The following DPYS variants were observed in gnomAD, a reference collection of about 807,000 sequenced individuals.
DPYS encodes the protein dihydropyrimidine amidohydrolase.
Under a neutral mutation model 50.3 loss-of-function variants are expected in DPYS, and 39 were observed. The observed-to-expected ratio is 0.78, with a 90% confidence interval of 0.60 to 1.01. The LOEUF is 1.01. DPYS is among the 50% of genes least tolerant of loss of function. The probability of loss-of-function intolerance (pLI) is 0.00; values close to 1 mark genes in which losing one functional copy is unlikely to be tolerated. For missense variants in DPYS, 659 were observed against 680.9 expected (o/e 0.97, Z 0.36); for synonymous variants, 245 against 250.7 (o/e 0.98, Z 0.22).
intron 2 of DPYS, among the ~76,000 whole-genome samples, chr8:104,450,542 G>A (rs1813702850): frequency 6.6e-6 from 1 of 152,184 alleles, no homozygotes; most frequent in Admixed American, 6.5e-5. Context: ...CATTTATGTG[G>A]GAGGAAATCA....
intron 1 of DPYS, among the ~76,000 whole-genome samples, chr8:104,460,294 G>A (rs1444692741): frequency 3.3e-5 from 5 of 152,040 alleles, no homozygotes; most frequent in Non-Finnish European, 7.4e-5. Context: ...TGAATCATGG[G>A]GGCATATTTC....
intron 1 of DPYS, among the ~76,000 whole-genome samples, chr8:104,459,164 T>C (rs1814033692): frequency 6.7e-6 from 1 of 150,230 alleles, no homozygotes; most frequent in Admixed American, 6.6e-5. Flanking sequence ...GTGTAGATGG[T>C]GGCCAGTTGC....
At chr8:104,385,923 A>T (rs960513071) in intron 8 of DPYS, among the ~76,000 whole-genome samples, 9 of 152,192 alleles carry the variant, frequency 5.9e-5, no homozygotes, top group African/African-American at 2.2e-4. Flanking sequence ...ATGTCTGTTC[A>T]TTATAAATTA....
intron 7 of DPYS, among the ~76,000 whole-genome samples, chr8:104,417,651 A>G (rs1320071200): frequency 6.6e-6 from 1 of 152,202 alleles, no homozygotes; most frequent in Non-Finnish European, 1.5e-5. Context: ...CACCAGTTCA[A>G]TGAGCTGTCA....
At chr8:104,379,963 T>G in intron 9 of DPYS, 120 bp from the exon 10 acceptor site, 1 of 372,734 alleles carries the variant, frequency 2.7e-6, no homozygotes, top group Non-Finnish European at 5.4e-6. Flanking sequence ...CTCCTATAAA[T>G]GTCATTAATA....
intron 7 of DPYS, among the ~76,000 whole-genome samples, chr8:104,404,393 C>T (rs1305796896): frequency 6.6e-6 from 1 of 152,146 alleles, no homozygotes; most frequent in Admixed American, 6.5e-5. Context: ...GGAAGTTTTA[C>T]CTAATGCTCA....
At chr8:104,399,378 G>A (rs1372509965) in intron 7 of DPYS, among the ~76,000 whole-genome samples, 1 of 149,696 alleles carries the variant, frequency 6.7e-6, no homozygotes, top group Admixed American at 6.7e-5. Flanking sequence ...GGACTAATAC[G>A]CTATTGTCAT....
intron 4 of DPYS, among the ~76,000 whole-genome samples, 171 bp downstream of exon 4, chr8:104,444,077 G>A (rs1813445408): frequency 6.6e-6 from 1 of 152,122 alleles, no homozygotes; most frequent in Non-Finnish European, 1.5e-5. Context: ...AAAAGTGGTG[G>A]AAAACAGACA....
At chr8:104,451,635 C>T (rs774446803) in intron 1 of DPYS, among the ~76,000 whole-genome samples, 59 of 152,026 alleles carry the variant, frequency 3.9e-4, no homozygotes, top group Non-Finnish European at 7.5e-4. Context: ...AATGTCATAT[C>T]TGATAAGATG....
chr8:104,397,313 A>G (rs1811626955), intron 7 of DPYS, among the ~76,000 whole-genome samples: 1 of 152,230 alleles, frequency 6.6e-6, no homozygotes, highest in South Asian at 2.1e-4. Flanking sequence ...CCTACTTGGT[A>G]CACACTTTAA....
At chr8:104,430,931 T>C (rs1230388323) in intron 4 of DPYS, among the ~76,000 whole-genome samples, 1 of 152,168 alleles carries the variant, frequency 6.6e-6, no homozygotes, top group Admixed American at 6.5e-5. Flanking sequence ...GAAACACCAT[T>C]AGCAACTCTT....
intron 1 of DPYS, among the ~76,000 whole-genome samples, chr8:104,458,043 G>A (rs1020827582): frequency 6.6e-6 from 1 of 152,118 alleles, no homozygotes; most frequent in Non-Finnish European, 1.5e-5. Flanking sequence ...TGAGAAGGGA[G>A]GGAAAACAGA....
chr8:104,383,082 C>T (rs1811108919), intron 8 of DPYS, among the ~76,000 whole-genome samples: 1 of 152,216 alleles, frequency 6.6e-6, no homozygotes, highest in Non-Finnish European at 1.5e-5. Flanking sequence ...GTCCTCCTCA[C>T]TCAGAACAGG....
chr8:104,436,537 GAGA>G (rs1398442689), intron 4 of DPYS, among the ~76,000 whole-genome samples: 4 of 152,144 alleles, frequency 2.6e-5, no homozygotes, highest in South Asian at 4.1e-4. Flanking sequence ...TTGAACCTGG[GAGA>G]AGAAGGTTGC....
intron 8 of DPYS, among the ~76,000 whole-genome samples, chr8:104,388,477 C>A (rs542960788): frequency 4.1e-4 from 62 of 152,280 alleles, no homozygotes; most frequent in African/African-American, 1.5e-3. Flanking sequence ...AAACGTAATC[C>A]ATTTTAACTT....
At chr8:104,383,402 G>A (rs547544035) in intron 8 of DPYS, among the ~76,000 whole-genome samples, 90 of 152,286 alleles carry the variant, frequency 5.9e-4, no homozygotes, top group African/African-American at 2.0e-3. Flanking sequence ...CCAGCAGACA[G>A]AGGGCCGGTG....
chr8:104,408,191 T>G (rs183738923), intron 7 of DPYS, among the ~76,000 whole-genome samples: 17 of 152,380 alleles, frequency 1.1e-4, no homozygotes, highest in Admixed American at 3.3e-4. Flanking sequence ...TGACATACCT[T>G]AGTGAACAAA....
At chr8:104,416,023 C>A (rs1205744959) in intron 7 of DPYS, among the ~76,000 whole-genome samples, 1 of 152,124 alleles carries the variant, frequency 6.6e-6, no homozygotes, top group Non-Finnish European at 1.5e-5. Context: ...TTAAAACTCA[C>A]AACAAAGCTA....
At chr8:104,455,545 T>A (rs907572689) in intron 1 of DPYS, among the ~76,000 whole-genome samples, 3 of 152,118 alleles carry the variant, frequency 2.0e-5, no homozygotes, top group Admixed American at 2.0e-4. Flanking sequence ...GAGAGTGAGG[T>A]GCTTGGGCAC....
Sources: gnomAD v4.1 joint callset for allele counts (sites outside exome capture counted in the v4.1 genomes callset) on GRCh38, gnomAD v4.1.1 for gene constraint, MANE v1.5 for transcripts, NCBI Gene and HGNC (gene_info 2026-07-23, HGNC 2026-07-21) for gene names.